Variants in KNDC1 observed in about 807,000 individuals in gnomAD.
KNDC1 encodes kinase non-catalytic C-lobe domain-containing protein 1.
In KNDC1, 106 loss-of-function variants were observed where a neutral mutation model predicts 172.8. The observed-to-expected ratio is 0.61, with a 90% confidence interval of 0.52 to 0.72. KNDC1 has a LOEUF of 0.72. Ranked by LOEUF, KNDC1 falls within the 30% of genes least tolerant of loss-of-function variation. The pLI is 0.00. For missense variants in KNDC1, 2,325 were observed against 2,394.5 expected, an observed-to-expected ratio of 0.97 and a Z score of 0.61; for synonymous variants, 1,083 against 1,062.2, an observed-to-expected ratio of 1.02 and a Z score of -0.38.
chr10:133,170,981 C>T (rs79513130), intron 3 of KNDC1, among the ~76,000 whole-genome samples: 3,099 of 152,360 alleles, frequency 0.02, 55 homozygotes, highest in Admixed American at 0.041. Flanking sequence ...AGCTGGCCGA[C>T]GGTGTCCTCT....
chr10:133,162,456 T>C (rs978403256), intron 1 of KNDC1, among the ~76,000 whole-genome samples: 1 of 152,110 alleles, frequency 6.6e-6, no homozygotes, highest in Admixed American at 6.5e-5. Context: ...TCATAAGATG[T>C]AGGAACTCAC....
In KNDC1 at chr10:133,225,314, T is replaced by C. The variant is rs942545557; in HGVS notation, c.*424T>C. On this transcript the variant is annotated 3_prime_UTR_variant, in exon 30 of 30. Coordinates refer to ENST00000304613, the MANE Select transcript of KNDC1 (RefSeq NM_152643.8). ...CAGAGTAGCTCCTCCCTGAGCAGGT[T>C]TCTGAGCCAGCCTGGGTTGGCTGAG... The C allele has an allele frequency of 4.0e-5, 8 of 202,246 alleles. No individual in the cohort carries two copies. The East Asian group carries it at 1.2e-3, about 31-fold the overall frequency. The allele number at this position is 202,246 out of a possible 1,614,324, so 12.5% of individuals were successfully genotyped here. A position where few individuals can be genotyped will look rare whatever the true frequency, so the allele number is the denominator to read the frequency against.
intron 5 of KNDC1, among the ~76,000 whole-genome samples, chr10:133,184,614 C>T (rs1853838813): frequency 6.6e-6 from 1 of 152,264 alleles, no homozygotes; most frequent in Non-Finnish European, 1.5e-5. Flanking sequence ...CTCATGCCTA[C>T]CACGTCCACT....
At chr10:133,194,624 G>A (rs1274018386) in intron 9 of KNDC1, among the ~76,000 whole-genome samples, 2 of 152,208 alleles carry the variant, frequency 1.3e-5, no homozygotes, top group Non-Finnish European at 2.9e-5. Flanking sequence ...TCGTGGGGCT[G>A]TCTGCGTCTG....
rs747267496 is a variant in KNDC1 at position 133,175,898 on chromosome 10, G to GTGGA, written c.361-7430_361-7427dup. On this transcript the variant is annotated intron_variant, in intron 3 of 29. Transcript: ENST00000304613. ...GATGGATGGGTGGGTGAATGGATGG[G>GTGGA]TGGATGGATGGATGGATGGGTGGGT... is the stretch of plus-strand genomic sequence containing the variant. Among the ~76,000 whole-genome samples, 376 of 148,844 alleles carry GTGGA rather than the reference G, an allele frequency of 2.5e-3. 2 individuals are homozygous for GTGGA. The highest frequency in any genetic ancestry group is 4.2e-3 in the Non-Finnish European group (281 of 66,752).
chr10:133,211,309 A>C (rs1589771067), intron 21 of KNDC1, 113 bp from the exon 22 acceptor site: 2 of 807,614 alleles, frequency 2.5e-6, no homozygotes, highest in Admixed American at 3.5e-5. Flanking sequence ...AGCCCCCTGC[A>C]CACATGGAGC....
rs1483238224 is a variant in KNDC1, at chr10:133,199,153, C to T, written c.2645C>T (p.Ser882Leu). 9 of 1,601,426 alleles carry T rather than the reference C, an allele frequency of 5.6e-6. No individual in the cohort carries two copies. The highest frequency in any genetic ancestry group is 2.3e-5 in the East Asian group (1 of 44,094). Reference sequence around the variant, plus strand: ...CTCTGTCTGCCCTGCGTGGATGCCTCGCCACTCCCAGGGAGGACGGCCTGC... The same window carrying T: ...CTCTGTCTGCCCTGCGTGGATGCCTTGCCACTCCCAGGGAGGACGGCCTGC... ...RRLCLPCVDA[S>L]PLPGRTACPS... Residue 882 changes from serine to leucine, a missense_variant, in exon 14 of 30, where the codon TCG (serine) becomes TTG (leucine). Coordinates refer to ENST00000304613, the MANE Select transcript of KNDC1 (RefSeq NM_152643.8).
chr10:133,209,524 C>T lies in KNDC1; in HGVS notation c.3795-1087C>T, dbSNP rs924784043. ...TTGTGGAGTTCTGTGTGGCTTTGTG[C>T]ATGTGTGTGGTGTGCGCGTCTGGTT... On this transcript the variant is annotated intron_variant, in intron 20 of 29. Coordinates refer to ENST00000304613, the MANE Select transcript of KNDC1 (RefSeq NM_152643.8). This position sits in a 1 kb window ranked among gnomAD's most constrained non-coding sequence, Gnocchi z 4.9. 4.6e-5 allele frequency among the ~76,000 whole-genome samples: 7 copies of T among 150,582 alleles called. No homozygotes were observed. Among genetic ancestry groups the T allele is most frequent in the Non-Finnish European group, 8.9e-5 (6 of 67,452 alleles).
Position 133,209,032 on chromosome 10 carries a change from G to A in KNDC1, c.3795-1579G>A, listed in dbSNP as rs1228852205. 3.3e-5 allele frequency among the ~76,000 whole-genome samples: 5 copies of A among 151,270 alleles called. No individual in the cohort carries two copies. The highest frequency in any genetic ancestry group is 1.2e-4 in the African/African-American group (5 of 41,124). On this transcript the variant is annotated intron_variant, in intron 20 of 29. Transcript: ENST00000304613. This position sits in a 1 kb window ranked among gnomAD's most constrained non-coding sequence, Gnocchi z 4.9. ...GGATATCGTGTGGTGTAGTAGGTAC[G>A]TGTGCGGTTGTGAGGTATAGTGTGA...
chr10:133,195,675 TG>T lies in KNDC1; in HGVS notation c.1589del (p.Cys530LeufsTer94). 1 of 1,609,982 alleles carries T rather than the reference TG, an allele frequency of 6.2e-7. No homozygotes were observed. The highest frequency in any genetic ancestry group is 1.1e-5 in the South Asian group (1 of 90,540). On this transcript the variant is annotated frameshift_variant, in exon 10 of 30. Transcript: ENST00000304613. LOFTEE classifies it high-confidence loss of function. ...RLVTEKASVY[C>X]VAAVLWTAAK... ...CCCACCCGCCCAGGCCTCTGTGTAC[TG>T]TGTGGCCGCCGTTCTGTGGACCGCA...
chr10:133,187,314 G>A (rs1183557549), intron 6 of KNDC1, among the ~76,000 whole-genome samples: 7 of 152,260 alleles, frequency 4.6e-5, no homozygotes, highest in Non-Finnish European at 7.3e-5. Context: ...GTGTTCTGGG[G>A]GGCCTGGTCC....
Position 133,221,962 on chromosome 10 carries a change from G to A in KNDC1, c.5018+1850G>A, listed in dbSNP as rs572470840. On this transcript the variant is annotated intron_variant, in intron 29 of 29. Transcript: ENST00000304613. ...TCACGCCTGTAACCCTAGGTGGGCC[G>A]GGCTGGGTGCAGCCACTCACGCCTG... Among the ~76,000 whole-genome samples, 10 of 69,440 alleles carry A rather than the reference G, an allele frequency of 1.4e-4. 4 individuals carry two copies. In the South Asian group the frequency reaches 8.8e-3, roughly 61 times the overall value. The allele number at this position is 69,440 out of a possible 152,430, so 45.6% of individuals were successfully genotyped here.
At chr10:133,204,985 T>C (rs180811372) in intron 17 of KNDC1, among the ~76,000 whole-genome samples, 575 of 54,638 alleles carry the variant, frequency 0.011, 1 homozygote, top group Non-Finnish European at 0.019. Flanking sequence ...CCCCCAAGAC[T>C]TCCCAGACCC....
At chr10:133,189,720 G>T in intron 8 of KNDC1, 32 bp from the exon 9 acceptor site, 1 of 1,614,044 alleles carries the variant, frequency 6.2e-7, no homozygotes, top group South Asian at 1.1e-5. Context: ...CTCGCCAGGG[G>T]TGAGGAAAGC....
At chr10:133,189,700 C>T in intron 8 of KNDC1, 31 bp downstream of exon 8, 1 of 1,613,932 alleles carries the variant, frequency 6.2e-7, no homozygotes, top group Non-Finnish European at 8.5e-7. Flanking sequence ...CAGGCCGAGT[C>T]CAGCACCGGC....
intron 3 of KNDC1, among the ~76,000 whole-genome samples, chr10:133,170,807 G>A (rs868625176): frequency 8.5e-5 from 13 of 152,112 alleles, no homozygotes; most frequent in Non-Finnish European, 1.5e-4. Flanking sequence ...GCATTCAGTC[G>A]GCTGTGATAT....
At chr10:133,168,192 G>A (rs1853241898) in intron 2 of KNDC1, 62 bp from the exon 3 acceptor site, 1 of 1,480,248 alleles carries the variant, frequency 6.8e-7, no homozygotes, top group Non-Finnish European at 9.4e-7. Context: ...CTTCTCAGCT[G>A]GCGGGTTCAG....
rs1198460230 is a variant in KNDC1, at chr10:133,199,009, G to C, written c.2501G>C (p.Ser834Thr). The C allele has an allele frequency of 1.3e-6, 2 of 1,563,380 alleles. No homozygotes were observed. The highest frequency in any genetic ancestry group is 2.3e-5 in the South Asian group (2 of 85,930). Residue 834 changes from serine to threonine, a missense_variant, in exon 14 of 30, where the codon AGC (serine) becomes ACC (threonine). Coordinates refer to ENST00000304613, the MANE Select transcript of KNDC1 (RefSeq NM_152643.8). ...GPRHPPKPPR[S>T]KATERPGQEP... is the part of the protein sequence containing the mutation. Reference sequence around the variant, plus strand: ...CGCCACCCGCCCAAGCCCCCACGAAGCAAGGCCACCGAGCGCCCGGGCCAG... The same window carrying C: ...CGCCACCCGCCCAAGCCCCCACGAACCAAGGCCACCGAGCGCCCGGGCCAG...
chr10:133,167,610 CG>C (rs779011180), intron 2 of KNDC1, 31 bp downstream of exon 2: 7 of 1,545,342 alleles, frequency 4.5e-6, no homozygotes, highest in Non-Finnish European at 6.1e-6. Context: ...GCGGCGGCGG[CG>C]GGCACGCGGG....
Sources: allele counts gnomAD v4.1 joint callset (sites outside exome capture counted in the v4.1 genomes callset), GRCh38; gene constraint gnomAD v4.1.1; non-coding constraint Gnocchi (gnomAD v3.1); transcripts MANE v1.5; gene names NCBI Gene and HGNC (gene_info 2026-07-23, HGNC 2026-07-21).